The following TRIM48 variants were observed in gnomAD, a reference collection of about 807,000 sequenced individuals.
TRIM48 encodes the protein E3 ubiquitin-protein ligase TRIM48.
A neutral mutation model predicts 29.5 loss-of-function variants in TRIM48; 31 were observed. That is an observed-to-expected ratio of 1.05 (90% CI 0.79 to 1.42). TRIM48 has a LOEUF of 1.42. TRIM48 is among the 40% of genes most tolerant of loss of function. TRIM48 has a pLI of 0.00. For missense variants in TRIM48, 344 were observed against 265.0 expected, an observed-to-expected ratio of 1.30 and a Z score of -2.07; for synonymous variants, 128 against 90.6, an observed-to-expected ratio of 1.41 and a Z score of -2.34.
At position 55,265,351 on chromosome 11, in the gene TRIM48, ACACATGAAATTCCTGTGGCCCTATTTTCT is replaced by A. The variant is rs766677076; in HGVS notation, c.459+38_459+66del. The A allele has an allele frequency of 3.2e-6, 5 of 1,580,438 alleles. 2 individuals are homozygous for A. In the South Asian group the frequency reaches 6.0e-5, roughly 19 times the overall value. Reference sequence around the variant, plus strand: ...CTCTGAAGATCTATTTCTATAAAGGACACATGAAATTCCTGTGGCCCTATTTTCTTGGAGATTGGGTAAAGCCAACTCTG... The same window carrying A: ...CTCTGAAGATCTATTTCTATAAAGGATGGAGATTGGGTAAAGCCAACTCTG... On this transcript the variant is annotated intron_variant, in intron 2 of 5. Transcript: ENST00000417545.
At position 55,265,161 on chromosome 11, in the gene TRIM48, G is replaced by A. The variant is rs543151439; in HGVS notation, c.306G>A (p.Leu102=). ...GAAAAGCCAGTCTCTGGCTATTCCTGAGCTCTGAGGAGCAAATGTGTGGCA... is the reference window on the plus strand; with the variant it reads ...GAAAAGCCAGTCTCTGGCTATTCCTAAGCTCTGAGGAGCAAATGTGTGGCA... The part of the protein sequence containing the change: ...LARKASLWLF[L]SSEEQMCGIH... The change falls in exon 2 of 6, where the codon CTG becomes CTA. Residue 102 remains leucine (L), a synonymous_variant. Coordinates refer to ENST00000417545, the MANE Select transcript of TRIM48 (RefSeq NM_024114.5). 8.9e-5 allele frequency: 141 copies of A among 1,582,670 alleles called. 16 individuals are homozygous for A. In the Admixed American group the frequency reaches 2.3e-3, roughly 26 times the overall value.
chr11:55,267,413 G>A (rs1217144589), intron 3 of TRIM48: 15 of 1,576,676 alleles, frequency 9.5e-6, no homozygotes, highest in Non-Finnish European at 1.3e-5. Context: ...GCCGTATTAT[G>A]TGAATGTAAG....
chr11:55,263,900 C>T (rs1345884457), intron 1 of TRIM48, among the ~76,000 whole-genome samples: 3 of 152,100 alleles, frequency 2.0e-5, no homozygotes, highest in African/African-American at 4.8e-5. Flanking sequence ...GAGGAAATTG[C>T]CTTTCCTCTG....
rs1371561040 is a variant in TRIM48, at chr11:55,269,123, T to G, written c.579-119T>G. 7.2e-6 allele frequency: 10 copies of G among 1,392,840 alleles called. 1 individual carries two copies. The Admixed American group carries it at 2.2e-4, about 30-fold the overall frequency. 86.3% of individuals were successfully genotyped at this position (1,392,840 alleles called of 1,614,324 possible). A position where few individuals can be genotyped will look rare whatever the true frequency, so the allele number is the denominator to read the frequency against. ...TTAATTCCAAAAAGGAAGGAATAAT[T>G]TTTGAATTATCAAATTTGTGGGTTC... is the stretch of plus-strand genomic sequence containing the variant. On this transcript the variant is annotated intron_variant, in intron 4 of 5. Transcript: ENST00000417545.
chr11:55,268,097 C>T (rs1037596702), intron 3 of TRIM48, among the ~76,000 whole-genome samples: 6 of 147,664 alleles, frequency 4.1e-5, no homozygotes, highest in African/African-American at 1.5e-4. Flanking sequence ...TACCATGGAG[C>T]ATAGACTCTC....
chr11:55,268,387 G>C lies in TRIM48; in HGVS notation c.578+15G>C. ...ATATTATACAGGTGAGTATGTACCT[G>C]GATTTTAGCATATGTTCTTTCACTT... On this transcript the variant is annotated intron_variant, in intron 4 of 5. Coordinates refer to ENST00000417545, the MANE Select transcript of TRIM48 (RefSeq NM_024114.5). The C allele has an allele frequency of 1.2e-5, 18 of 1,543,402 alleles. 2 individuals carry two copies. Among genetic ancestry groups the C allele is most frequent in the Non-Finnish European group, 1.6e-5 (18 of 1,135,768 alleles).
Position 55,265,684 on chromosome 11 carries a change from A to G in TRIM48, c.544A>G (p.Ser182Gly). ...RNLNVETTRI[S>G]HWKAFGDILY... Reference sequence around the variant, plus strand: ...CCTGAATGTGGAAACCACCAGAATCAGCCACTGGAAGGTTAGTCCTGTAAT... The same window carrying G: ...CCTGAATGTGGAAACCACCAGAATCGGCCACTGGAAGGTTAGTCCTGTAAT... Residue 182 changes from serine (S) to glycine (G), a missense_variant, in exon 3 of 6, where the codon AGC becomes GGC. Physicochemically the swap from Ser to Gly is moderately conservative, Grantham distance 56 (BLOSUM62 0). Coordinates refer to ENST00000417545, the MANE Select transcript of TRIM48 (RefSeq NM_024114.5). 1.9e-6 allele frequency: 3 copies of G among 1,580,664 alleles called. 1 individual carries two copies. The highest frequency in any genetic ancestry group is 2.6e-6 in the Non-Finnish European group (3 of 1,164,688).
rs761204856 is a variant in TRIM48 at position 55,270,845 on chromosome 11, T to C, written c.*410T>C. 3.7e-5 allele frequency: 58 copies of C among 1,570,934 alleles called. 5 individuals carry two copies. In the Middle Eastern group the frequency reaches 5.4e-4, roughly 15 times the overall value. On this transcript the variant is annotated 3_prime_UTR_variant, in exon 6 of 6. Transcript: ENST00000417545. ...TGTGAAGCTAGAACTGTGAGCTTCG[T>C]TGATGTTAGTCAAAGCTCCCCTATA...
At chr11:55,263,352 A>C (rs1308574121) in intron 1 of TRIM48, among the ~76,000 whole-genome samples, 1 of 152,062 alleles carries the variant, frequency 6.6e-6, no homozygotes, top group Non-Finnish European at 1.5e-5. Context: ...CTATCATGTC[A>C]AAACAATAAA....
rs1313210991 is a variant in TRIM48 at position 55,270,570 on chromosome 11, G to T, written c.*135G>T. The stretch of plus-strand genomic sequence containing the variant: ...CAACACCTACAAGTTTTCTTGCATG[G>T]GGTGCTCAGACTTTCACCTCTGGCA... On this transcript the variant is annotated 3_prime_UTR_variant, in exon 6 of 6. Coordinates refer to ENST00000417545, the MANE Select transcript of TRIM48 (RefSeq NM_024114.5). The T allele has an allele frequency of 7.6e-6, 12 of 1,583,332 alleles. 1 individual carries two copies. Among genetic ancestry groups the T allele is most frequent in the Admixed American group, 3.4e-5 (2 of 58,334 alleles).
Position 55,270,684 on chromosome 11 carries a change from C to T in TRIM48, c.*249C>T, listed in dbSNP as rs953912174. ...ATTGGAAAGGGAAGAATCAGAATGGCAATATATATGGAGAGGAGGGACTCT... is the reference window on the plus strand; with the variant it reads ...ATTGGAAAGGGAAGAATCAGAATGGTAATATATATGGAGAGGAGGGACTCT... On this transcript the variant is annotated 3_prime_UTR_variant, in exon 6 of 6. Transcript: ENST00000417545. 7.6e-6 allele frequency: 12 copies of T among 1,573,126 alleles called. No individual in the cohort carries two copies. The highest frequency in any genetic ancestry group is 9.5e-6 in the Non-Finnish European group (11 of 1,156,862).
chr11:55,269,908 G>A (rs1334435079), intron 5 of TRIM48, among the ~76,000 whole-genome samples: 1 of 147,694 alleles, frequency 6.8e-6, no homozygotes, highest in Non-Finnish European at 1.5e-5. Flanking sequence ...CTAAAATCCA[G>A]CTTCAGCCCC....
rs201835481 is a variant in TRIM48 at position 55,265,288 on chromosome 11, G to A, written c.433G>A (p.Ala145Thr). Residue 145 changes from alanine (A) to threonine (T), a missense_variant, in exon 2 of 6, where the codon GCT becomes ACT. Ala to Thr is a moderately conservative substitution (Grantham distance 58). Transcript: ENST00000417545. Reference sequence around the variant, plus strand: ...GCACCGGTATCACAGACACTGTCCCGCTGAGTGGGCTGCTGAGGAACACTG... The same window carrying A: ...GCACCGGTATCACAGACACTGTCCCACTGAGTGGGCTGCTGAGGAACACTG... Reference protein sequence around the residue: ...QEHRYHRHCPAEWAAEEHWEK... With the variant: ...QEHRYHRHCPTEWAAEEHWEK... The A allele has an allele frequency of 6.2e-5, 98 of 1,582,144 alleles. 11 individuals are homozygous for A. Among genetic ancestry groups the A allele is most frequent in the Middle Eastern group, 2.3e-4 (1 of 4,334 alleles).
In TRIM48 at chr11:55,270,530, C is replaced by A; in HGVS notation, c.*95C>A. 1.3e-6 allele frequency: 2 copies of A among 1,581,596 alleles called. No individual in the cohort carries two copies. The highest frequency in any genetic ancestry group is 2.7e-5 in the African/African-American group (2 of 73,492). On this transcript the variant is annotated 3_prime_UTR_variant, in exon 6 of 6. Transcript: ENST00000417545. ...TGTATTGGATGTGACCGTCAAAATC[C>A]GCCCCATATCACTGCAACACCTACA...
intron 3 of TRIM48, among the ~76,000 whole-genome samples, 159 bp from the exon 4 acceptor site, chr11:55,268,191 A>G (rs1857422081): frequency 6.8e-6 from 1 of 147,554 alleles, no homozygotes; most frequent in Non-Finnish European, 1.5e-5. Flanking sequence ...AATATGATTG[A>G]CTGGGTTTTT....
Position 55,263,921 on chromosome 11 carries a change from T to G in TRIM48, c.45-979T>G, listed in dbSNP as rs117679981. Among the ~76,000 whole-genome samples, 162 of 152,206 alleles carry G rather than the reference T, an allele frequency of 1.1e-3. 3 individuals are homozygous for G. The East Asian group carries it at 0.029, about 28-fold the overall frequency. On this transcript the variant is annotated intron_variant, in intron 1 of 5. Transcript: ENST00000417545. Reference sequence around the variant, plus strand: ...ATTGCCTTTCCTCTGGCCTTTTCCTTTTATCTGAGCTACAAGCTGATTGAA... The same window carrying G: ...ATTGCCTTTCCTCTGGCCTTTTCCTGTTATCTGAGCTACAAGCTGATTGAA...
chr11:55,268,751 C>A (rs1305628801), intron 4 of TRIM48, among the ~76,000 whole-genome samples: 1 of 147,514 alleles, frequency 6.8e-6, no homozygotes, highest in Non-Finnish European at 1.5e-5. Context: ...TATCAGTTAA[C>A]AGTTCCGAAA....
Position 55,265,800 on chromosome 11 carries a change from A to AG in TRIM48, c.555+105_555+106insG, listed in dbSNP as rs1392658524. The AG allele has an allele frequency of 6.9e-5, 41 of 590,334 alleles. 1 individual carries two copies. The highest frequency in any genetic ancestry group is 6.2e-4 in the Middle Eastern group (1 of 1,626). 36.6% of individuals were successfully genotyped at this position (590,334 alleles called of 1,614,324 possible). On this transcript the variant is annotated intron_variant, in intron 3 of 5. Transcript: ENST00000417545. ...AAACCGTAATGTTTCTGGGAGTCAA[A>AG]AAAAAAAAAAAAAGAGAAGAAAACA...
chr11:55,266,147 G>T (rs1306126271), intron 3 of TRIM48, among the ~76,000 whole-genome samples: 4 of 147,358 alleles, frequency 2.7e-5, no homozygotes, highest in Admixed American at 6.9e-5. Context: ...AGTGACAGGG[G>T]AAATCTAGGG....
Sources: gnomAD v4.1 joint callset for allele counts (sites outside exome capture counted in the v4.1 genomes callset) on GRCh38, gnomAD v4.1.1 for gene constraint, MANE v1.5 for transcripts, NCBI Gene and HGNC (gene_info 2026-07-23, HGNC 2026-07-21) for gene names.